The following INPP4B variants were observed in gnomAD, a reference collection of about 807,000 sequenced individuals.
INPP4B encodes inositol polyphosphate 4-phosphatase type II.
A neutral mutation model predicts 122.5 loss-of-function variants in INPP4B; 55 were observed. The ratio of observed to expected loss-of-function variants is 0.45; its 90% CI spans 0.36 to 0.56. The LOEUF is 0.56. Ranked by LOEUF, INPP4B falls within the 20% of genes least tolerant of loss-of-function variation. The pLI, the probability that INPP4B is intolerant of heterozygous loss-of-function variation, is 0.00. For missense variants in INPP4B, 1,000 were observed against 1,097.7 expected (o/e 0.91, Z 1.26); for synonymous variants, 403 against 388.7 (o/e 1.04, Z -0.43).
intron 3 of INPP4B, among the ~76,000 whole-genome samples, chr4:142,447,118 G>A (rs919146439): frequency 6.6e-6 from 1 of 152,198 alleles, no homozygotes; most frequent in Non-Finnish European, 1.5e-5. Context: ...CAGTGCGGTA[G>A]GAGCAGAGTT....
At chr4:142,336,969 A>T (rs762041669) in intron 7 of INPP4B, among the ~76,000 whole-genome samples, 7 of 152,076 alleles carry the variant, frequency 4.6e-5, no homozygotes, top group Non-Finnish European at 8.8e-5. Context: ...TTTTGTAATA[A>T]TTTTTCTTTT....
rs369712219 is a variant in INPP4B at position 142,771,952 on chromosome 4, A to G, written c.-253-46051T>C. Among the ~76,000 whole-genome samples, 106 of 152,288 alleles carry G rather than the reference A, an allele frequency of 7.0e-4. No individual in the cohort carries two copies. In the Middle Eastern group the frequency reaches 0.017, roughly 24 times the overall value. Reference sequence around the variant, plus strand: ...CACTTGAAGAAAAACAGATTTGTCAATGAGCTGAGAGAACAGTACTGCAGT... The same window carrying G: ...CACTTGAAGAAAAACAGATTTGTCAGTGAGCTGAGAGAACAGTACTGCAGT... On this transcript the variant is annotated intron_variant, in intron 1 of 25. Transcript: ENST00000262992.
chr4:142,098,536 A>G (rs1314771638), intron 23 of INPP4B, among the ~76,000 whole-genome samples: 2 of 152,138 alleles, frequency 1.3e-5, no homozygotes. Flanking sequence ...TAGAAGAGGT[A>G]AGAAGGGTTT....
At chr4:142,766,436 C>T (rs548319590) in intron 1 of INPP4B, among the ~76,000 whole-genome samples, 2 of 151,838 alleles carry the variant, frequency 1.3e-5, no homozygotes, top group African/African-American at 4.8e-5. Flanking sequence ...GGCTGAAGTG[C>T]AATGGTGGCA....
At chr4:142,185,883 C>CACA (rs1451252543) in intron 15 of INPP4B, among the ~76,000 whole-genome samples, 1 of 6,702 alleles carries the variant, frequency 1.5e-4, no homozygotes, top group Non-Finnish European at 3.1e-4. Flanking sequence ...CATCTCAAAA[C>CACA]ATAAAAAAAA....
chr4:142,753,357 A>G (rs1038842708), intron 1 of INPP4B, among the ~76,000 whole-genome samples: 2 of 152,082 alleles, frequency 1.3e-5, no homozygotes, highest in African/African-American at 2.4e-5. Context: ...TATATCCAAT[A>G]TTACTTGGTA....
At chr4:142,696,169 C>A (rs11937786) in intron 2 of INPP4B, among the ~76,000 whole-genome samples, 119,034 of 151,986 alleles carry the variant, frequency 0.78, 47,287 homozygotes, top group East Asian at 0.85. Context: ...CCAGCATATT[C>A]GATGGATTAA....
At chr4:142,605,317 A>G (rs1410282523) in intron 2 of INPP4B, among the ~76,000 whole-genome samples, 1 of 152,074 alleles carries the variant, frequency 6.6e-6, no homozygotes, top group African/African-American at 2.4e-5. Context: ...AAGAAACTGT[A>G]AAACTAGTAG....
chr4:142,840,339 G>T (rs898813505), intron 1 of INPP4B, among the ~76,000 whole-genome samples: 1 of 152,100 alleles, frequency 6.6e-6, no homozygotes, highest in African/African-American at 2.4e-5. Flanking sequence ...GCTGTGAGGG[G>T]ATTAGGATTA....
chr4:142,158,089 C>A (rs1275252853), intron 17 of INPP4B, among the ~76,000 whole-genome samples: 1 of 151,992 alleles, frequency 6.6e-6, no homozygotes, highest in Non-Finnish European at 1.5e-5. Flanking sequence ...ATATAACATG[C>A]TCAAATTTCA....
intron 7 of INPP4B, among the ~76,000 whole-genome samples, chr4:142,352,361 TCTC>T (rs1782173004): frequency 6.6e-6 from 1 of 151,866 alleles, no homozygotes; most frequent in Non-Finnish European, 1.5e-5. Context: ...TTCCTTCTTC[TCTC>T]CTCATTTGCT....
intron 1 of INPP4B, among the ~76,000 whole-genome samples, chr4:142,731,359 G>T (rs894609360): frequency 6.6e-6 from 1 of 152,048 alleles, no homozygotes; most frequent in East Asian, 1.9e-4. Flanking sequence ...TCACCTTTCT[G>T]CCAGGCATAG....
chr4:142,113,846 G>A (rs1398068537), intron 21 of INPP4B, among the ~76,000 whole-genome samples: 1 of 151,918 alleles, frequency 6.6e-6, no homozygotes, highest in Non-Finnish European at 1.5e-5. Flanking sequence ...TGCATTTTAA[G>A]TATATAATTC....
intron 1 of INPP4B, among the ~76,000 whole-genome samples, chr4:142,801,711 T>C (rs544279552): frequency 6.6e-6 from 1 of 152,280 alleles, no homozygotes; most frequent in Admixed American, 6.5e-5. Flanking sequence ...AATTCAGTGA[T>C]GGATATAGGT....
intron 23 of INPP4B, among the ~76,000 whole-genome samples, chr4:142,093,247 C>A (rs1049861675): frequency 1.3e-5 from 2 of 152,124 alleles, no homozygotes; most frequent in East Asian, 3.9e-4. Flanking sequence ...AGTACAGAAA[C>A]CTCCAGATGC....
At chr4:142,220,371 C>T (rs1848887325) in intron 12 of INPP4B, among the ~76,000 whole-genome samples, 1 of 152,152 alleles carries the variant, frequency 6.6e-6, no homozygotes, top group Non-Finnish European at 1.5e-5. Context: ...ATAGCAACTG[C>T]TGGAAAGCCA....
At position 142,574,200 on chromosome 4, in the gene INPP4B, TC is replaced by T. The variant is rs1375228727; in HGVS notation, c.-190-111475del. Among the ~76,000 whole-genome samples, 5 of 152,044 alleles carry T rather than the reference TC, an allele frequency of 3.3e-5. No homozygotes were observed. In the East Asian group the frequency reaches 9.7e-4, roughly 29 times the overall value. On this transcript the variant is annotated intron_variant, in intron 2 of 25. Transcript: ENST00000262992. Reference sequence around the variant, plus strand: ...AGCTGTTTCCAGCTAAGTTTTCCACTCCAGTAAAGCTAGTCTTCCACAGTTA... The same window carrying T: ...AGCTGTTTCCAGCTAAGTTTTCCACTCAGTAAAGCTAGTCTTCCACAGTTA...
intron 2 of INPP4B, among the ~76,000 whole-genome samples, chr4:142,661,988 C>T (rs1199799033): frequency 6.6e-6 from 1 of 151,974 alleles, no homozygotes; most frequent in Non-Finnish European, 1.5e-5. Flanking sequence ...AATCCCAGCA[C>T]GTTGGGAGGC....
At chr4:142,669,361 T>C (rs538737654) in intron 2 of INPP4B, among the ~76,000 whole-genome samples, 275 of 151,962 alleles carry the variant, frequency 1.8e-3, no homozygotes, top group African/African-American at 6.2e-3. Context: ...GCCAAAGTAA[T>C]CTGAAACAAA....
Sources: allele counts gnomAD v4.1 joint callset (sites outside exome capture counted in the v4.1 genomes callset), GRCh38; gene constraint gnomAD v4.1.1; transcripts MANE v1.5; gene names NCBI Gene and HGNC (gene_info 2026-07-23, HGNC 2026-07-21).